The following GRID2 variants were observed in gnomAD, a reference collection of about 807,000 sequenced individuals.
GRID2 encodes the protein glutamate ionotropic receptor delta type subunit 2.
Under a neutral mutation model 114.8 loss-of-function variants are expected in GRID2, and 33 were observed. The observed-to-expected ratio is 0.29, with a 90% CI of 0.22 to 0.38. The LOEUF is 0.38. Ranked by LOEUF, GRID2 falls within the 10% of genes least tolerant of loss-of-function variation. GRID2 has a pLI of 1.00. For synonymous variants in GRID2, 505 were observed against 449.9 expected (o/e 1.12, Z -1.55); for missense variants, 1,184 against 1,257.7 (o/e 0.94, Z 0.89).
At chr4:92,422,267 A>G (rs1181969115) in intron 1 of GRID2, among the ~76,000 whole-genome samples, 2 of 152,072 alleles carry the variant, frequency 1.3e-5, no homozygotes, top group African/African-American at 4.8e-5. Flanking sequence ...AGTGAAATGG[A>G]GAGTTCTAGG....
At chr4:92,476,184 C>A (rs1283668477) in intron 1 of GRID2, among the ~76,000 whole-genome samples, 1 of 151,904 alleles carries the variant, frequency 6.6e-6, no homozygotes. Context: ...TGGCACCATG[C>A]CCGGCTAACT....
intron 3 of GRID2, among the ~76,000 whole-genome samples, chr4:93,095,609 G>T (rs569764425): frequency 4.5e-4 from 68 of 151,906 alleles, no homozygotes; most frequent in African/African-American, 1.6e-3. Flanking sequence ...GCCTATATTC[G>T]CAAGTAATTG....
In GRID2 at chr4:92,778,370, A is replaced by G. The variant is rs181026863; in HGVS notation, c.244+188084A>G. ...AAACCTTACATCCCTCGTATTCTTCAGAGCAATTTGTATGATTTTGCCTAG... is the reference window on the plus strand; with the variant it reads ...AAACCTTACATCCCTCGTATTCTTCGGAGCAATTTGTATGATTTTGCCTAG... On this transcript the variant is annotated intron_variant, in intron 2 of 15. Coordinates refer to ENST00000282020, the MANE Select transcript of GRID2 (RefSeq NM_001510.4). 2.2e-3 allele frequency among the ~76,000 whole-genome samples: 331 copies of G among 152,222 alleles called. 1 individual carries two copies. The highest frequency in any genetic ancestry group is 6.6e-3 in the South Asian group (32 of 4,822).
At chr4:93,714,713 G>C (rs2110176838) in intron 14 of GRID2, among the ~76,000 whole-genome samples, 1 of 152,164 alleles carries the variant, frequency 6.6e-6, no homozygotes. Flanking sequence ...ATGATTGTTG[G>C]CCACATGTAT....
intron 1 of GRID2, among the ~76,000 whole-genome samples, chr4:92,353,834 T>C (rs762343789): frequency 6.6e-6 from 1 of 152,102 alleles, no homozygotes; most frequent in Non-Finnish European, 1.5e-5. Context: ...GACTTCCTAA[T>C]TGCCCTTTCC....
At chr4:92,365,557 C>A (rs908088184) in intron 1 of GRID2, among the ~76,000 whole-genome samples, 1 of 151,512 alleles carries the variant, frequency 6.6e-6, no homozygotes, top group East Asian at 1.9e-4. Flanking sequence ...CTCAGCTAGA[C>A]AAGAAGAATA....
intron 14 of GRID2, among the ~76,000 whole-genome samples, chr4:93,757,995 A>T (rs1732898236): frequency 1.3e-5 from 2 of 152,150 alleles, no homozygotes; most frequent in Non-Finnish European, 2.9e-5. Context: ...AAGGAACCTC[A>T]TAGCGTATTT....
rs536701150 is a variant in GRID2, at chr4:93,674,226, G to A, written c.2360+47791G>A. Among the ~76,000 whole-genome samples the A allele has an allele frequency of 3.9e-5, 6 of 152,112 alleles. No individual in the cohort carries two copies. The South Asian group carries it at 1.2e-3, about 32-fold the overall frequency. On this transcript the variant is annotated intron_variant, in intron 14 of 15. Transcript: ENST00000282020. Reference sequence around the variant, plus strand: ...CTGGTGGGTCTGCCCTGTGCCTCAGGTTCCTGTCCACTAATACTCGTGAGC... The same window carrying A: ...CTGGTGGGTCTGCCCTGTGCCTCAGATTCCTGTCCACTAATACTCGTGAGC...
intron 13 of GRID2, among the ~76,000 whole-genome samples, chr4:93,543,825 C>T (rs1217100446): frequency 6.6e-6 from 1 of 152,110 alleles, no homozygotes; most frequent in Non-Finnish European, 1.5e-5. Context: ...ACTGCACTGG[C>T]ATGGCCTTTG....
intron 14 of GRID2, among the ~76,000 whole-genome samples, chr4:93,631,872 T>C (rs937033499): frequency 3.9e-5 from 6 of 152,128 alleles, no homozygotes; most frequent in African/African-American, 2.4e-5. Flanking sequence ...TCCTCTCCAG[T>C]ACCTGTTGTT....
At chr4:92,467,867 C>T (rs893085287) in intron 1 of GRID2, among the ~76,000 whole-genome samples, 1 of 151,874 alleles carries the variant, frequency 6.6e-6, no homozygotes, top group Non-Finnish European at 1.5e-5. Flanking sequence ...CTTATCTGAA[C>T]AAATGAAATC....
chr4:93,034,546 G>A (rs1021168916), intron 2 of GRID2, among the ~76,000 whole-genome samples: 13 of 152,104 alleles, frequency 8.5e-5, no homozygotes, highest in African/African-American at 2.9e-4. Flanking sequence ...TACACGGCAC[G>A]TCTGTTGATC....
chr4:93,134,941 G>T (rs958366600), intron 4 of GRID2, among the ~76,000 whole-genome samples: 25 of 152,060 alleles, frequency 1.6e-4, no homozygotes, highest in African/African-American at 5.3e-4. Context: ...GAGTTTCACC[G>T]TGCTCTCTCT....
chr4:93,226,422 G>T (rs967321619), intron 7 of GRID2, among the ~76,000 whole-genome samples: 13 of 152,082 alleles, frequency 8.5e-5, no homozygotes, highest in African/African-American at 2.9e-4. Flanking sequence ...AACAATAACT[G>T]GTCCTAAGTA....
chr4:92,496,032 AACT>A (rs1431548784), intron 1 of GRID2, among the ~76,000 whole-genome samples: 1 of 151,946 alleles, frequency 6.6e-6, no homozygotes, highest in Non-Finnish European at 1.5e-5. Flanking sequence ...GACAGAAAAA[AACT>A]ACTATTCCTT....
intron 8 of GRID2, among the ~76,000 whole-genome samples, chr4:93,344,425 C>A (rs1018307364): frequency 4.8e-4 from 72 of 151,568 alleles, no homozygotes; most frequent in African/African-American, 1.7e-3. Context: ...CTTTTTTCCC[C>A]CCTCAGCTTT....
At chr4:93,069,618 G>C (rs1391742953) in intron 2 of GRID2, among the ~76,000 whole-genome samples, 1 of 152,054 alleles carries the variant, frequency 6.6e-6, no homozygotes, top group Non-Finnish European at 1.5e-5. Flanking sequence ...AATTAAGTTA[G>C]AATGTGCCAA....
intron 8 of GRID2, among the ~76,000 whole-genome samples, chr4:93,373,554 G>A (rs1763117533): frequency 6.6e-6 from 1 of 152,074 alleles, no homozygotes; most frequent in Admixed American, 6.5e-5. Context: ...ATAACCCAAA[G>A]TGCCTTTTTA....
In GRID2 at chr4:92,411,655, GTA is replaced by G. The variant is rs70940887; in HGVS notation, c.88+106933_88+106934del. Among the ~76,000 whole-genome samples the G allele has an allele frequency of 2.7e-4, 23 of 84,692 alleles. 1 individual carries two copies. The highest frequency in any genetic ancestry group is 6.5e-3 in the Middle Eastern group (1 of 154). The allele number at this position is 84,692 out of a possible 152,430, so 55.6% of individuals were successfully genotyped here. Reference sequence around the variant, plus strand: ...TGTGTGTGTGTGTGTGTGTGTGTGTGTATATATATATATATATATATATGAAA... The same window carrying G: ...TGTGTGTGTGTGTGTGTGTGTGTGTGTATATATATATATATATATATGAAA... On this transcript the variant is annotated intron_variant, in intron 1 of 15. Transcript: ENST00000282020.
Sources: gnomAD v4.1 joint callset for allele counts (sites outside exome capture counted in the v4.1 genomes callset) on GRCh38, gnomAD v4.1.1 for gene constraint, MANE v1.5 for transcripts, NCBI Gene and HGNC (gene_info 2026-07-23, HGNC 2026-07-21) for gene names.